KIRREL3: variants seen among roughly 807,000 people sequenced by gnomAD.
KIRREL3 encodes kin of IRRE-like protein 3.
In KIRREL3, 36 loss-of-function variants were observed where a neutral mutation model predicts 89.7. The observed-to-expected ratio is 0.40, with a 90% CI of 0.31 to 0.53. The LOEUF is 0.53. KIRREL3 is among the 20% of genes least tolerant of loss of function. The pLI is 0.49. For missense variants in KIRREL3, 864 were observed against 1,056.6 expected (o/e 0.82, Z 2.53); for synonymous variants, 445 against 441.4 (o/e 1.01, Z -0.10).
chr11:126,959,157 G>A (rs1949009041), intron 1 of KIRREL3, among the ~76,000 whole-genome samples: 1 of 152,232 alleles, frequency 6.6e-6, no homozygotes, highest in Non-Finnish European at 1.5e-5. Context: ...TGTTGTGCCA[G>A]CTTGTGGACT....
intron 1 of KIRREL3, chr11:126,681,933 T>C (rs776189284): frequency 1.3e-5 from 6 of 454,084 alleles, no homozygotes; most frequent in African/African-American, 1.2e-4. Context: ...TTTCAGAATT[T>C]TTCAGCAACA....
chr11:126,980,186 A>G (rs1949683942), intron 1 of KIRREL3, among the ~76,000 whole-genome samples: 1 of 152,218 alleles, frequency 6.6e-6, no homozygotes, highest in Non-Finnish European at 1.5e-5. Flanking sequence ...ATTTTAAGCT[A>G]AGGGAACAGC....
At chr11:126,741,604 G>A (rs1385043874) in intron 1 of KIRREL3, among the ~76,000 whole-genome samples, 3 of 152,172 alleles carry the variant, frequency 2.0e-5, no homozygotes, top group African/African-American at 4.8e-5. Context: ...TTAGTACATC[G>A]GAGAGTTTAA....
In KIRREL3 at chr11:126,440,339, G is replaced by T. The variant is rs1591535044; in HGVS notation, c.1353+110C>A. 4.2e-6 allele frequency: 4 copies of T among 945,162 alleles called. No individual in the cohort carries two copies. In the East Asian group the frequency reaches 1.0e-4, roughly 25 times the overall value. 58.5% of individuals were successfully genotyped at this position (945,162 alleles called of 1,614,324 possible). ...AGGCAGGTATAATTTTCCTCAGCAA[G>T]AAAGAGGAACCTCGGAGGTGTGCAC... On this transcript the variant is annotated intron_variant, in intron 11 of 16. Transcript: ENST00000525144.
intron 1 of KIRREL3, among the ~76,000 whole-genome samples, chr11:126,847,294 T>A (rs1416585885): frequency 6.6e-6 from 1 of 152,172 alleles, no homozygotes; most frequent in African/African-American, 2.4e-5. Flanking sequence ...TAGCACTTGG[T>A]GTAGATTATC....
chr11:126,587,414 C>A lies in KIRREL3; in HGVS notation c.56-24502G>T, dbSNP rs201998226. Among the ~76,000 whole-genome samples, 2 of 152,154 alleles carry A rather than the reference C, an allele frequency of 1.3e-5. No individual in the cohort carries two copies. Among genetic ancestry groups the A allele is most frequent in the East Asian group, 3.9e-4 (2 of 5,178 alleles). On this transcript the variant is annotated intron_variant, in intron 1 of 16. Transcript: ENST00000525144. The surrounding 1 kb of genome is among the most constrained non-coding windows in gnomAD (Gnocchi z 5.2). ...AGGTAAGCCAGGAGTAGTTTGCAGA[C>A]CCCTGGCTGGGCAGCTTTCCAATCT... is the stretch of plus-strand genomic sequence containing the variant.
In KIRREL3 at chr11:126,579,947, G is replaced by A. The variant is rs1941456309; in HGVS notation, c.56-17035C>T. Among the ~76,000 whole-genome samples, 1 of 151,766 alleles carries A rather than the reference G, an allele frequency of 6.6e-6. No individual in the cohort carries two copies. The highest frequency in any genetic ancestry group is 6.6e-5 in the Admixed American group (1 of 15,242). Reference sequence around the variant, plus strand: ...TGGAAGCTCCACCTCCTGGATTCACGCCATTCTCCTGCCTCAGCCTCCCGA... The same window carrying A: ...TGGAAGCTCCACCTCCTGGATTCACACCATTCTCCTGCCTCAGCCTCCCGA... On this transcript the variant is annotated intron_variant, in intron 1 of 16. Transcript: ENST00000525144. This position sits in a 1 kb window ranked among gnomAD's most constrained non-coding sequence, Gnocchi z 5.3.
At chr11:126,779,828 A>G (rs977263276) in intron 1 of KIRREL3, among the ~76,000 whole-genome samples, 6 of 152,028 alleles carry the variant, frequency 3.9e-5, no homozygotes, top group Non-Finnish European at 8.8e-5. Context: ...TCCAGTTTCC[A>G]TGAACTGATA....
Position 126,438,335 on chromosome 11 carries a change from C to T in KIRREL3, c.1354-1326G>A, listed in dbSNP as rs74866452. ...CCGGCCACATACACTGTCTGCACCT[C>T]ATCGTGTAAGCGCCTCGTATATCCT... On this transcript the variant is annotated intron_variant, in intron 11 of 16. Coordinates refer to ENST00000525144, the MANE Select transcript of KIRREL3 (RefSeq NM_032531.4). Among the ~76,000 whole-genome samples, 695 of 152,360 alleles carry T rather than the reference C, an allele frequency of 4.6e-3. 8 individuals carry two copies. The highest frequency in any genetic ancestry group is 0.016 in the African/African-American group (665 of 41,588).
chr11:126,470,910 T>C (rs564143189), intron 5 of KIRREL3, among the ~76,000 whole-genome samples: 9 of 152,296 alleles, frequency 5.9e-5, no homozygotes, highest in African/African-American at 1.9e-4. Context: ...GCCTCATTCA[T>C]CTTAGAGGCT....
chr11:126,969,915 C>G lies in KIRREL3; in HGVS notation c.55+30540G>C, dbSNP rs1426875722. On this transcript the variant is annotated intron_variant, in intron 1 of 16. Transcript: ENST00000525144. This position sits in a 1 kb window ranked among gnomAD's most constrained non-coding sequence, Gnocchi z 4.9. The stretch of plus-strand genomic sequence containing the variant: ...ACATTCATAAAATAATTTTGTAGGG[C>G]TGGTAGTTAGTTCCAGCAAAACCAT... 6.6e-6 allele frequency among the ~76,000 whole-genome samples: 1 copy of G among 152,178 alleles called. No individual in the cohort carries two copies. Among genetic ancestry groups the G allele is most frequent in the Non-Finnish European group, 1.5e-5 (1 of 68,032 alleles).
chr11:126,950,391 A>C (rs1269173932), intron 1 of KIRREL3, among the ~76,000 whole-genome samples: 1 of 151,354 alleles, frequency 6.6e-6, no homozygotes, highest in Non-Finnish European at 1.5e-5. Flanking sequence ...ACAAACAAAC[A>C]AACAAACAAA....
At chr11:126,467,815 A>C (rs1479709908) in intron 5 of KIRREL3, among the ~76,000 whole-genome samples, 1 of 152,092 alleles carries the variant, frequency 6.6e-6, no homozygotes, top group African/African-American at 2.4e-5. Flanking sequence ...TGCCCTTCAC[A>C]GAGAAGGCCA....
At position 126,431,673 on chromosome 11, in the gene KIRREL3, C is replaced by T. The variant is rs149794287; in HGVS notation, c.1589-147G>A. 3.5e-4 allele frequency: 273 copies of T among 777,098 alleles called. 4 individuals are homozygous for T. The African/African-American group carries it at 4.0e-3, about 11-fold the overall frequency. The allele number at this position is 777,098 out of a possible 1,614,324, so 48.1% of individuals were successfully genotyped here. On this transcript the variant is annotated intron_variant, in intron 13 of 16. Coordinates refer to ENST00000525144, the MANE Select transcript of KIRREL3 (RefSeq NM_032531.4). This position sits in a 1 kb window ranked among gnomAD's most constrained non-coding sequence, Gnocchi z 7.1. Reference sequence around the variant, plus strand: ...CAGTGGGGCCTGGGCAGGCACAGGCCGAGTCCAACTGGGGTCAGCTCTAGC... The same window carrying T: ...CAGTGGGGCCTGGGCAGGCACAGGCTGAGTCCAACTGGGGTCAGCTCTAGC...
At position 126,501,150 on chromosome 11, in the gene KIRREL3, G is replaced by T. The variant is rs1307916745; in HGVS notation, c.433+20165C>A. 1.3e-5 allele frequency among the ~76,000 whole-genome samples: 2 copies of T among 152,210 alleles called. No homozygotes were observed. The highest frequency in any genetic ancestry group is 1.5e-5 in the Non-Finnish European group (1 of 68,042). Reference sequence around the variant, plus strand: ...CTCCAGTGCAAGGACACTACTGGTGGACAGCTGGTCCGTCCCACACTTTTC... The same window carrying T: ...CTCCAGTGCAAGGACACTACTGGTGTACAGCTGGTCCGTCCCACACTTTTC... On this transcript the variant is annotated intron_variant, in intron 4 of 16. Coordinates refer to ENST00000525144, the MANE Select transcript of KIRREL3 (RefSeq NM_032531.4). This position sits in a 1 kb window ranked among gnomAD's most constrained non-coding sequence, Gnocchi z 5.8.
intron 5 of KIRREL3, among the ~76,000 whole-genome samples, chr11:126,470,724 T>C (rs920424553): frequency 2.0e-5 from 3 of 152,074 alleles, no homozygotes; most frequent in Non-Finnish European, 2.9e-5. Context: ...GCTGCGGAGC[T>C]TGGGGGACCG....
intron 1 of KIRREL3, among the ~76,000 whole-genome samples, chr11:126,711,536 T>C (rs1947754641): frequency 6.6e-6 from 1 of 152,172 alleles, no homozygotes; most frequent in Non-Finnish European, 1.5e-5. Flanking sequence ...CACTCCAGCC[T>C]GGGCGACAGA....
rs987060225 is a variant in KIRREL3 at position 126,918,418 on chromosome 11, G to A, written c.55+82037C>T. Among the ~76,000 whole-genome samples the A allele has an allele frequency of 4.6e-5, 7 of 152,226 alleles. No homozygotes were observed. The highest frequency in any genetic ancestry group is 1.2e-4 in the African/African-American group (5 of 41,452). On this transcript the variant is annotated intron_variant, in intron 1 of 16. Coordinates refer to ENST00000525144, the MANE Select transcript of KIRREL3 (RefSeq NM_032531.4). This position sits in a 1 kb window ranked among gnomAD's most constrained non-coding sequence, Gnocchi z 6.5. ...TTTAGACCATCCAGGTAGTTTTAGC[G>A]TAAGGAGTGAAGTCTTTGTAAACTA... is the stretch of plus-strand genomic sequence containing the variant.
Position 126,620,985 on chromosome 11 carries a change from C to A in KIRREL3, c.56-58073G>T, listed in dbSNP as rs1169956509. Among the ~76,000 whole-genome samples the A allele has an allele frequency of 7.9e-5, 12 of 152,156 alleles. No homozygotes were observed. The highest frequency in any genetic ancestry group is 7.9e-4 in the Admixed American group (12 of 15,266). On this transcript the variant is annotated intron_variant, in intron 1 of 16. Transcript: ENST00000525144. This position sits in a 1 kb window ranked among gnomAD's most constrained non-coding sequence, Gnocchi z 4.8. ...GCCTGACTTGCAGACTTCTTAAGAG[C>A]AGGGCACAGAGAGACTGGAAAGGGC...
Sources: gnomAD v4.1 joint callset for allele counts (sites outside exome capture counted in the v4.1 genomes callset) on GRCh38, gnomAD v4.1.1 for gene constraint, Gnocchi (gnomAD v3.1) non-coding constraint, MANE v1.5 for transcripts, NCBI Gene and HGNC (gene_info 2026-07-23, HGNC 2026-07-21) for gene names.